The following PLPPR3 variants were observed in gnomAD, a reference collection of about 807,000 sequenced individuals.
PLPPR3 encodes phospholipid phosphatase related 3, also known as phospholipid phosphatase-related protein type 3.
Under a neutral mutation model 27.3 loss-of-function variants are expected in PLPPR3, and 14 were observed. That is an observed-to-expected ratio of 0.51 (90% CI 0.34 to 0.80). The LOEUF is 0.80. PLPPR3 is among the 30% of genes least tolerant of loss of function. The pLI is 0.01. For missense variants in PLPPR3, 1,287 were observed against 1,056.9 expected (o/e 1.22, Z -3.02); for synonymous variants, 671 against 508.0 (o/e 1.32, Z -4.32).
chr19:821,224 C>G (rs1358698217), intron 2 of PLPPR3, among the ~76,000 whole-genome samples: 2 of 147,638 alleles, frequency 1.4e-5, no homozygotes, highest in East Asian at 4.1e-4. Context: ...CTGACCACAC[C>G]TTGGTCAGAA....
chr19:819,676 G>A (rs2035117769), intron 2 of PLPPR3, among the ~76,000 whole-genome samples: 1 of 152,132 alleles, frequency 6.6e-6, no homozygotes, highest in African/African-American at 2.4e-5. Flanking sequence ...GTGTTTGGGA[G>A]GGACCCACTT....
At chr19:821,643 C>G in intron 1 of PLPPR3, 58 bp from the exon 2 acceptor site, 2 of 798,480 alleles carry the variant, frequency 2.5e-6, no homozygotes, top group Non-Finnish European at 3.4e-6. Flanking sequence ...GGGGGAGACA[C>G]GGTGGCCGGC....
rs1405487231 is a variant in PLPPR3 at position 821,580 on chromosome 19, CCGTGGCTGGAGG to C, written c.-26-7_-22del. The C allele has an allele frequency of 6.8e-7, 1 of 1,464,670 alleles. No individual in the cohort carries two copies. The highest frequency in any genetic ancestry group is 3.0e-5 in the East Asian group (1 of 33,010). 90.7% of individuals were successfully genotyped at this position (1,464,670 alleles called of 1,614,324 possible). The stretch of plus-strand genomic sequence containing the variant: ...ATCATGGTGCCGCGGGCGCCGCAGG[CCGTGGCTGGAGG>C]GGAGAAAGCGGCGCTGGAGGGGGGC... On this transcript the variant is annotated splice_acceptor_variant and splice_polypyrimidine_tract_variant and 5_prime_UTR_variant and intron_variant, in exon 2 of 8. Coordinates refer to ENST00000520876, the MANE Select transcript of PLPPR3 (RefSeq NM_001270366.2). LOFTEE classifies it low-confidence loss of function (5UTR_SPLICE).
intron 5 of PLPPR3, 29 bp from the exon 6 acceptor site, chr19:814,778 C>A: frequency 1.3e-6 from 2 of 1,559,158 alleles, no homozygotes; most frequent in Non-Finnish European, 1.7e-6. Flanking sequence ...GTGAGCCCCG[C>A]CCACCTGGGG....
chr19:814,316 TGCCTCCCACCTCAGACCCCTGGGCCA>T (rs1165743992), intron 7 of PLPPR3, 92 bp downstream of exon 7: 5 of 912,754 alleles, frequency 5.5e-6, no homozygotes, highest in East Asian at 3.1e-5. Context: ...CCCCTGAGCC[TGCCTCCCACCTCAGACCCCTGGGCCA>T]GCCTCCCCAC....
chr19:813,968 C>T lies in PLPPR3; in HGVS notation c.832-73G>A, dbSNP rs530180723. On this transcript the variant is annotated intron_variant, in intron 7 of 7. Transcript: ENST00000520876. The surrounding 1 kb of genome is among the most constrained non-coding windows in gnomAD (Gnocchi z 4.1). ...CCTCCCCTGTGATCGTTGGACTTGCCGCGGGGGGCTCTGGACCGGGGGTGG... is the reference window on the plus strand; with the variant it reads ...CCTCCCCTGTGATCGTTGGACTTGCTGCGGGGGGCTCTGGACCGGGGGTGG... The T allele has an allele frequency of 6.4e-6, 9 of 1,397,214 alleles. No homozygotes were observed. The African/African-American group carries it at 1.2e-4, about 19-fold the overall frequency. The allele number at this position is 1,397,214 out of a possible 1,614,324, so 86.6% of individuals were successfully genotyped here. A position where few individuals can be genotyped will look rare whatever the true frequency, so the allele number is the denominator to read the frequency against.
rs1336013356 is a variant in PLPPR3 at position 815,663 on chromosome 19, C to T, written c.261+3G>A. 2 of 1,573,602 alleles carry T rather than the reference C, an allele frequency of 1.3e-6. No homozygotes were observed. The highest frequency in any genetic ancestry group is 1.7e-6 in the Non-Finnish European group (2 of 1,161,430). The stretch of plus-strand genomic sequence containing the variant: ...TGGCACAGGCCCCGGTGCAGGTGCT[C>T]ACCGAGGCGGCAGGGGCCGCGAAGG... On this transcript the variant is annotated splice_donor_region_variant and intron_variant, in intron 3 of 7. Coordinates refer to ENST00000520876, the MANE Select transcript of PLPPR3 (RefSeq NM_001270366.2).
chr19:822,076 T>C (rs1024284082), upstream of PLPPR3: 1 of 149,780 alleles, frequency 6.7e-6, no homozygotes, highest in Non-Finnish European at 1.5e-5. Context: ...GGGGGCTCTT[T>C]GTCTGGGCGC....
intron 2 of PLPPR3, 57 bp downstream of exon 2, chr19:821,424 GTCTC>G: frequency 6.9e-7 from 1 of 1,442,978 alleles, no homozygotes; most frequent in Non-Finnish European, 9.3e-7. Context: ...CAGCGCGGGG[GTCTC>G]TGCGGGCGGG....
chr19:817,675 G>A (rs1433150219), intron 2 of PLPPR3, among the ~76,000 whole-genome samples: 1 of 152,130 alleles, frequency 6.6e-6, no homozygotes, highest in Non-Finnish European at 1.5e-5. Context: ...GGGGCTCCAG[G>A]AAGGGAAAAG....
In PLPPR3 at chr19:813,126, G is replaced by A. The variant is rs1212769386; in HGVS notation, c.1601C>T (p.Pro534Leu). The A allele has an allele frequency of 1.3e-6, 2 of 1,508,588 alleles. No individual in the cohort carries two copies. Among genetic ancestry groups the A allele is most frequent in the South Asian group, 1.2e-5 (1 of 80,750 alleles). 93.5% of individuals were successfully genotyped at this position (1,508,588 alleles called of 1,614,324 possible). ...CATGGCGATGACCTGCAGCAGCCGC[G>A]GAGGGTTGGCCACTGCCGCCCCGCT... ...EKSGAAVANPPRLLQVIAMSK... is the reference protein window; with the variant it reads ...EKSGAAVANPLRLLQVIAMSK... The change falls in exon 8 of 8, where the codon CCG (proline) becomes CTG (leucine). Residue 534 changes from proline to leucine, a missense_variant. Pro to Leu is a moderately conservative substitution (Grantham distance 98). Transcript: ENST00000520876. The surrounding 1 kb of genome is among the most constrained non-coding windows in gnomAD (Gnocchi z 4.1).
rs752194490 is a variant in PLPPR3 at position 815,214 on chromosome 19, G to A, written c.375C>T (p.Ser125=). ...CAAACCGCACCGTACGCCGCAGGAA[G>A]GAGTTGAAGTTGCAGCCGCCGGCGT... is the stretch of plus-strand genomic sequence containing the variant. ...SINAGGCNFN[S]FLRRTVRFVG... The change falls in exon 4 of 8, where the codon TCC becomes TCT. Residue 125 remains serine (S), a synonymous_variant. Transcript: ENST00000520876. The A allele has an allele frequency of 6.2e-7, 1 of 1,601,872 alleles. No homozygotes were observed. The highest frequency in any genetic ancestry group is 8.5e-7 in the Non-Finnish European group (1 of 1,176,958).
At chr19:821,963 G>T (rs979407667), upstream of PLPPR3, 2 of 158,880 alleles carry the variant, frequency 1.3e-5, no homozygotes, top group African/African-American at 4.8e-5. Context: ...CGTGGGGCGG[G>T]GCCGGGAGCC....
Position 813,995 on chromosome 19 carries a change from G to T in PLPPR3, c.832-100C>A, listed in dbSNP as rs1026382331. On this transcript the variant is annotated intron_variant, in intron 7 of 7. Transcript: ENST00000520876. This position sits in a 1 kb window ranked among gnomAD's most constrained non-coding sequence, Gnocchi z 4.1. ...CGGGGGGCTCTGGACCGGGGGTGGG[G>T]GCTGGCAAGCTCTTGTCCAGTGGGA... is the stretch of plus-strand genomic sequence containing the variant. 150 of 1,195,008 alleles carry T rather than the reference G, an allele frequency of 1.3e-4. 1 individual carries two copies. The highest frequency in any genetic ancestry group is 1.5e-4 in the Non-Finnish European group (131 of 894,638). The allele number at this position is 1,195,008 out of a possible 1,614,324, so 74.0% of individuals were successfully genotyped here. A position where few individuals can be genotyped will look rare whatever the true frequency, so the allele number is the denominator to read the frequency against.
chr19:812,955 G>T lies in PLPPR3; in HGVS notation c.1772C>A (p.Pro591His). The change falls in exon 8 of 8, where the codon CCC (proline) becomes CAC (histidine). Residue 591 changes from proline (P) to histidine (H), a missense_variant. By Grantham distance (77) the Pro-to-His change is moderately conservative. Coordinates refer to ENST00000520876, the MANE Select transcript of PLPPR3 (RefSeq NM_001270366.2). ...VTIDAHAPHH[P>H]VVHLSAGGAP... is the part of the protein sequence containing the mutation. Reference sequence around the variant, plus strand: ...GCCGCCGGCCGACAGGTGCACCACGGGGTGGTGCGGCGCGTGCGCGTCGAT... The same window carrying T: ...GCCGCCGGCCGACAGGTGCACCACGTGGTGGTGCGGCGCGTGCGCGTCGAT... 2 of 1,439,228 alleles carry T rather than the reference G, an allele frequency of 1.4e-6. No individual in the cohort carries two copies. The highest frequency in any genetic ancestry group is 1.3e-5 in the South Asian group (1 of 77,146). The allele number at this position is 1,439,228 out of a possible 1,614,324, so 89.2% of individuals were successfully genotyped here.
At chr19:820,897 TC>T (rs2035133556) in intron 2 of PLPPR3, among the ~76,000 whole-genome samples, 1 of 151,402 alleles carries the variant, frequency 6.6e-6, no homozygotes, top group Non-Finnish European at 1.5e-5. Flanking sequence ...ACCTAGGTGA[TC>T]CACCCGCCTT....
At chr19:816,314 CAACT>C (rs1220552301) in intron 2 of PLPPR3, among the ~76,000 whole-genome samples, 4 of 145,776 alleles carry the variant, frequency 2.7e-5, no homozygotes, top group African/African-American at 1.0e-4. Context: ...TCCACCCACC[CAACT>C]GTCCATCCAT....
chr19:818,695 G>A (rs929396765), intron 2 of PLPPR3, among the ~76,000 whole-genome samples: 9 of 151,496 alleles, frequency 5.9e-5, no homozygotes, highest in Non-Finnish European at 4.4e-5. Flanking sequence ...CACCGCGCCC[G>A]GCTAATTTTT....
At chr19:818,687 C>T (rs1024327837) in intron 2 of PLPPR3, among the ~76,000 whole-genome samples, 15 of 151,986 alleles carry the variant, frequency 9.9e-5, no homozygotes, top group African/African-American at 3.6e-4. Flanking sequence ...GCGCCCGCCA[C>T]CGCGCCCGGC....
Sources: gnomAD v4.1 joint callset for allele counts (sites outside exome capture counted in the v4.1 genomes callset) on GRCh38, gnomAD v4.1.1 for gene constraint, Gnocchi (gnomAD v3.1) non-coding constraint, MANE v1.5 for transcripts, NCBI Gene and HGNC (gene_info 2026-07-23, HGNC 2026-07-21) for gene names.